Variants in STIM1 observed in about 807,000 individuals in gnomAD.
STIM1 encodes the protein stromal interaction molecule 1.
Under a neutral mutation model 74.7 loss-of-function variants are expected in STIM1, and 25 were observed. The observed-to-expected ratio is 0.33, with a 90% CI of 0.24 to 0.47. The LOEUF is 0.47. STIM1 is among the 20% of genes least tolerant of loss of function. The probability of loss-of-function intolerance (pLI) is 1.00; values close to 1 mark genes in which losing one functional copy is unlikely to be tolerated. For missense variants in STIM1, 728 were observed against 920.8 expected (o/e 0.79, Z 2.71); for synonymous variants, 328 against 348.8 (o/e 0.94, Z 0.66).
chr11:3,900,865 T>C (rs1590545632), intron 1 of STIM1, among the ~76,000 whole-genome samples: 1 of 152,166 alleles, frequency 6.6e-6, no homozygotes, highest in East Asian at 1.9e-4. Flanking sequence ...CATGAGCCAC[T>C]GTGGCTGGCC....
intron 12 of STIM1, among the ~76,000 whole-genome samples, chr11:4,087,686 G>A (rs1002915633): frequency 7.3e-5 from 11 of 151,624 alleles, no homozygotes; most frequent in African/African-American, 2.7e-4. Context: ...GGAAGGAAGT[G>A]GAAGACTACA....
chr11:3,979,905 T>C (rs1217080285), intron 2 of STIM1, among the ~76,000 whole-genome samples: 1 of 152,172 alleles, frequency 6.6e-6, no homozygotes, highest in Non-Finnish European at 1.5e-5. Context: ...CCTAGCCCTG[T>C]CTGTATCAAT....
chr11:3,996,434 G>C (rs540921864), intron 2 of STIM1, among the ~76,000 whole-genome samples: 33 of 152,276 alleles, frequency 2.2e-4, no homozygotes, highest in African/African-American at 7.5e-4. Flanking sequence ...GACAAAAGAG[G>C]CCCACCTTTT....
intron 1 of STIM1, chr11:3,867,082 T>G (rs887339889): frequency 6.6e-6 from 1 of 152,114 alleles, no homozygotes; most frequent in Admixed American, 6.5e-5. Context: ...TACCAAGTAC[T>G]TGACATCAGT....
intron 12 of STIM1, chr11:4,088,777 T>G (rs1565173022): frequency 5.9e-6 from 9 of 1,531,494 alleles, no homozygotes; most frequent in Non-Finnish European, 7.9e-6. Flanking sequence ...CAGCCCAGCC[T>G]TTGGGGAGGG....
intron 3 of STIM1, among the ~76,000 whole-genome samples, chr11:4,051,970 A>G (rs368853572): frequency 6.6e-6 from 1 of 152,224 alleles, no homozygotes; most frequent in East Asian, 1.9e-4. Flanking sequence ...GAACAGACAA[A>G]CAGAGAGCCA....
chr11:3,882,898 A>C (rs12574293), intron 1 of STIM1, among the ~76,000 whole-genome samples: 12,562 of 152,200 alleles, frequency 0.083, 848 homozygotes, highest in East Asian at 0.27. Flanking sequence ...TGTGGTTTTG[A>C]CATGCATTTC....
At chr11:3,928,307 C>T (rs1254520574) in intron 1 of STIM1, among the ~76,000 whole-genome samples, 1 of 151,420 alleles carries the variant, frequency 6.6e-6, no homozygotes, top group Non-Finnish European at 1.5e-5. Context: ...CTCAGTGCAA[C>T]CTCTGCCACT....
intron 5 of STIM1, among the ~76,000 whole-genome samples, chr11:4,068,376 T>A (rs2094381964): frequency 6.6e-6 from 1 of 152,148 alleles, no homozygotes; most frequent in Non-Finnish European, 1.5e-5. Flanking sequence ...CTTTGACTTT[T>A]GGTAAGAATA....
At chr11:3,895,671 T>C (rs57793455) in intron 1 of STIM1, among the ~76,000 whole-genome samples, 544 of 43,170 alleles carry the variant, frequency 0.013, 10 homozygotes, top group South Asian at 0.019. Context: ...TCTTTCTTTC[T>C]TTCCTTCCTT....
intron 1 of STIM1, among the ~76,000 whole-genome samples, chr11:3,899,612 C>A (rs1367116562): frequency 6.6e-6 from 1 of 151,140 alleles, no homozygotes; most frequent in Non-Finnish European, 1.5e-5. Context: ...AAAGGGAATG[C>A]TTCCAGTTTT....
intron 2 of STIM1, among the ~76,000 whole-genome samples, chr11:4,017,299 C>T (rs1453283874): frequency 1.3e-5 from 2 of 152,146 alleles, no homozygotes; most frequent in African/African-American, 4.8e-5. Context: ...GCATAAGTAC[C>T]TTCCTTCAGG....
chr11:3,911,334 G>T (rs2135480091), intron 1 of STIM1, among the ~76,000 whole-genome samples: 1 of 152,246 alleles, frequency 6.6e-6, no homozygotes, highest in East Asian at 1.9e-4. Context: ...TCTGCATATT[G>T]TCTTTTCAGC....
At position 4,036,981 on chromosome 11, in the gene STIM1, G is replaced by C. The variant is rs542010389; in HGVS notation, c.385+12994G>C. Among the ~76,000 whole-genome samples, 98 of 152,104 alleles carry C rather than the reference G, an allele frequency of 6.4e-4. 1 individual carries two copies. The highest frequency in any genetic ancestry group is 2.3e-3 in the African/African-American group (96 of 41,510). ...AGAAAATCAGGTCATGTTGGTTGAT[G>C]GTATTGTTCAAGTCTACATATCTTT... is the stretch of plus-strand genomic sequence containing the variant. On this transcript the variant is annotated intron_variant, in intron 3 of 12. Coordinates refer to ENST00000526596, the MANE Select transcript of STIM1 (RefSeq NM_001382567.1).
chr11:4,031,580 T>G (rs1056544674), intron 3 of STIM1, among the ~76,000 whole-genome samples: 1 of 152,234 alleles, frequency 6.6e-6, no homozygotes. Context: ...TTTTAGCCAT[T>G]CTGATAGTAT....
chr11:3,862,953 C>G (rs866207116), intron 1 of STIM1, among the ~76,000 whole-genome samples: 1 of 152,124 alleles, frequency 6.6e-6, no homozygotes, highest in South Asian at 2.1e-4. Flanking sequence ...AGTGCAATGG[C>G]GCCATCTCGG....
intron 2 of STIM1, among the ~76,000 whole-genome samples, chr11:3,998,661 T>C (rs2093684158): frequency 6.6e-6 from 1 of 152,082 alleles, no homozygotes; most frequent in African/African-American, 2.4e-5. Flanking sequence ...TTTGAGTTGC[T>C]TAGGGAGAGT....
At chr11:3,979,587 A>G (rs2093481501) in intron 2 of STIM1, among the ~76,000 whole-genome samples, 2 of 152,112 alleles carry the variant, frequency 1.3e-5, no homozygotes, top group South Asian at 4.2e-4. Flanking sequence ...GTAGGACTAC[A>G]GGTGTGCACC....
intron 5 of STIM1, among the ~76,000 whole-genome samples, chr11:4,069,518 G>A (rs12803023): frequency 0.41 from 61,996 of 152,064 alleles, 14,119 homozygotes; most frequent in Non-Finnish European, 0.51. Context: ...TCTGTGCCAA[G>A]AATGGCCTGG....
Sources: allele counts gnomAD v4.1 joint callset (sites outside exome capture counted in the v4.1 genomes callset), GRCh38; gene constraint gnomAD v4.1.1; transcripts MANE v1.5; gene names NCBI Gene and HGNC (gene_info 2026-07-23, HGNC 2026-07-21).